Variants in ACAD10 observed in about 807,000 individuals in gnomAD.
ACAD10 encodes the protein acyl-CoA dehydrogenase family member 10, also known as ACAD-10.
In ACAD10, 112 loss-of-function variants were observed where a neutral mutation model predicts 116.8. The ratio of observed to expected loss-of-function variants is 0.96; its 90% confidence interval spans 0.82 to 1.12. The LOEUF is 1.12. Among genes scored for constraint, ACAD10 ranks in the 50% most tolerant of loss-of-function variants. ACAD10 has a pLI of 0.00. For synonymous variants in ACAD10, 486 were observed against 510.6 expected, an observed-to-expected ratio of 0.95 and a Z score of 0.65; for missense variants, 1,259 against 1,350.2, an observed-to-expected ratio of 0.93 and a Z score of 1.06.
chr12:111,701,027 G>A (rs1665061279), intron 2 of ACAD10, among the ~76,000 whole-genome samples: 2 of 151,892 alleles, frequency 1.3e-5, no homozygotes, highest in Non-Finnish European at 2.9e-5. Flanking sequence ...CCAAAGTGCC[G>A]GGATTATAGG....
intron 2 of ACAD10, among the ~76,000 whole-genome samples, chr12:111,697,853 G>A (rs893636424): frequency 1.3e-5 from 2 of 151,618 alleles, no homozygotes; most frequent in African/African-American, 4.8e-5. Context: ...CAAAGTGCTG[G>A]GATTATAGGT....
At chr12:111,747,826 G>T in intron 16 of ACAD10, 1 of 921,640 alleles carries the variant, frequency 1.1e-6, no homozygotes, top group Non-Finnish European at 1.3e-6. Flanking sequence ...CTTACCTCCC[G>T]GAGCCCATAC....
At chr12:111,710,511 T>C in intron 5 of ACAD10, 1 of 262,108 alleles carries the variant, frequency 3.8e-6, no homozygotes, top group Non-Finnish European at 7.6e-6. Flanking sequence ...TTTTTTTTTT[T>C]TGAAACAGAG....
intron 18 of ACAD10, chr12:111,753,503 A>C: frequency 1.5e-6 from 1 of 669,824 alleles, no homozygotes; most frequent in Non-Finnish European, 2.7e-6. Context: ...GCTGGAATAA[A>C]GGGTTCTTGG....
intron 20 of ACAD10, 128 bp from the exon 21 acceptor site, chr12:111,756,202 TATC>T: frequency 6.9e-7 from 1 of 1,439,934 alleles, no homozygotes; most frequent in East Asian, 2.4e-5. Context: ...TTAGTGATTG[TATC>T]ACATAGGTGC....
intron 2 of ACAD10, among the ~76,000 whole-genome samples, chr12:111,697,245 G>GA (rs577800040): frequency 5.5e-5 from 8 of 146,052 alleles, no homozygotes; most frequent in African/African-American, 1.3e-4. Flanking sequence ...CGTCTTGGGA[G>GA]AAAAAAAAAA....
intron 16 of ACAD10, 146 bp downstream of exon 16, chr12:111,747,531 G>GGGAGA: frequency 6.7e-7 from 1 of 1,488,718 alleles, no homozygotes; most frequent in South Asian, 1.3e-5. Flanking sequence ...AGAGGCAGCT[G>GGGAGA]GGAGAATAGG....
intron 18 of ACAD10, chr12:111,753,509 C>CT: frequency 1.5e-6 from 1 of 678,940 alleles, no homozygotes; most frequent in Non-Finnish European, 2.7e-6. Context: ...ATAAAGGGTT[C>CT]TTGGAAGCAA....
At chr12:111,732,467 T>A (rs550442764) in intron 10 of ACAD10, among the ~76,000 whole-genome samples, 1 of 152,200 alleles carries the variant, frequency 6.6e-6, no homozygotes, top group African/African-American at 2.4e-5. Flanking sequence ...GAGACTGATA[T>A]ATACCAACTT....
chr12:111,744,767 G>A lies in ACAD10; in HGVS notation c.1839G>A (p.Pro613=), dbSNP rs781233913. ...RVFKEMPFTN[P]LTRSYHTWAR... ...TCAAAGAGATGCCCTTCACAAATCC[G>A]TTAACAAGGTCCTACCACACGTGGG... The change falls in exon 13 of 21, where the codon CCG becomes CCA. Residue 613 remains proline, a synonymous_variant. Coordinates refer to ENST00000313698, the MANE Select transcript of ACAD10 (RefSeq NM_025247.6). 14 of 1,614,082 alleles carry A rather than the reference G, an allele frequency of 8.7e-6. No homozygotes were observed. Among genetic ancestry groups the A allele is most frequent in the Admixed American group, 3.3e-5 (2 of 59,992 alleles).
rs992463967 is a variant in ACAD10, at chr12:111,734,270, G to A, written c.1540+202G>A. Among the ~76,000 whole-genome samples the A allele has an allele frequency of 3.3e-5, 5 of 152,224 alleles. No homozygotes were observed. The East Asian group carries it at 9.6e-4, about 29-fold the overall frequency. The stretch of plus-strand genomic sequence containing the variant: ...AGGATGTGTTTTAAGTGAAAAGTAT[G>A]CCTGTATAGGTACCGCTTATGCTTT... On this transcript the variant is annotated intron_variant, in intron 11 of 20. Transcript: ENST00000313698.
rs563659478 is a variant in ACAD10, at chr12:111,721,657, A to C, written c.993-14A>C. The stretch of plus-strand genomic sequence containing the variant: ...TCAGCCAGCAATTTTGTTTATTTTC[A>C]TTTGTCCTTGCAGGATTATGAAAGC... On this transcript the variant is annotated splice_polypyrimidine_tract_variant and intron_variant, in intron 7 of 20. Coordinates refer to ENST00000313698, the MANE Select transcript of ACAD10 (RefSeq NM_025247.6). The C allele has an allele frequency of 6.3e-6, 10 of 1,582,958 alleles. No homozygotes were observed. The South Asian group carries it at 9.1e-5, about 14-fold the overall frequency.
chr12:111,730,062 A>C, intron 10 of ACAD10, 106 bp downstream of exon 10: 1 of 1,436,444 alleles, frequency 7.0e-7, no homozygotes, highest in Non-Finnish European at 9.3e-7. Context: ...TATTCCTATT[A>C]CAAAGCACCT....
intron 1 of ACAD10, chr12:111,690,432 T>A (rs1214571318): frequency 6.6e-6 from 1 of 152,160 alleles, no homozygotes; most frequent in African/African-American, 2.4e-5. Flanking sequence ...CAAAAAGTTT[T>A]GGATTTTGGA....
At chr12:111,750,318 C>T (rs1890039143) in intron 18 of ACAD10, among the ~76,000 whole-genome samples, 1 of 151,620 alleles carries the variant, frequency 6.6e-6, no homozygotes, top group African/African-American at 2.4e-5. Flanking sequence ...GTTTCGATCT[C>T]ACCGTGTTAG....
intron 20 of ACAD10, 144 bp from the exon 21 acceptor site, chr12:111,756,189 A>C: frequency 7.0e-7 from 1 of 1,434,180 alleles, no homozygotes. Flanking sequence ...GCCCTCTGGA[A>C]TATTAGTGAT....
At chr12:111,751,446 T>C (rs1890068787) in intron 18 of ACAD10, among the ~76,000 whole-genome samples, 2 of 152,112 alleles carry the variant, frequency 1.3e-5, no homozygotes, top group Admixed American at 1.3e-4. Flanking sequence ...CTATAAAAAA[T>C]AAGGCTGGGC....
chr12:111,694,312 A>G (rs1436591714), intron 2 of ACAD10, among the ~76,000 whole-genome samples: 1 of 152,114 alleles, frequency 6.6e-6, no homozygotes, highest in African/African-American at 2.4e-5. Flanking sequence ...TGTTTACCTC[A>G]GGGGCTGTTC....
At chr12:111,725,855 AAC>A (rs1889198259) in intron 8 of ACAD10, among the ~76,000 whole-genome samples, 1 of 152,130 alleles carries the variant, frequency 6.6e-6, no homozygotes, top group African/African-American at 2.4e-5. Flanking sequence ...TCATAACCAC[AAC>A]ACCAGTATAC....
Sources: gnomAD v4.1 joint callset for allele counts (sites outside exome capture counted in the v4.1 genomes callset) on GRCh38, gnomAD v4.1.1 for gene constraint, MANE v1.5 for transcripts, NCBI Gene and HGNC (gene_info 2026-07-23, HGNC 2026-07-21) for gene names.